The following PTPRN2 variants were observed in gnomAD, a reference collection of about 807,000 sequenced individuals.
The protein encoded by PTPRN2 is receptor-type tyrosine-protein phosphatase N2.
Under a neutral mutation model 118.8 loss-of-function variants are expected in PTPRN2, and 74 were observed. That is an observed-to-expected ratio of 0.62 (90% CI 0.52 to 0.76). The LOEUF is 0.76. PTPRN2 is among the 30% of genes least tolerant of loss of function. The pLI is 0.00. For synonymous variants in PTPRN2, 641 were observed against 608.0 expected, an observed-to-expected ratio of 1.05 and a Z score of -0.80; for missense variants, 1,481 against 1,394.4, an observed-to-expected ratio of 1.06 and a Z score of -0.99.
chr7:158,337,567 T>C lies in PTPRN2; in HGVS notation c.164-20635A>G, dbSNP rs543303212. Among the ~76,000 whole-genome samples the C allele has an allele frequency of 3.6e-5, 5 of 139,840 alleles. No homozygotes were observed. The South Asian group carries it at 1.1e-3, about 32-fold the overall frequency. 91.7% of individuals were successfully genotyped at this position (139,840 alleles called of 152,430 possible). ...GTCATTCACACCCACACTCTCACCATAATTGGTGACACCTGCAGACGTCAC... is the reference window on the plus strand; with the variant it reads ...GTCATTCACACCCACACTCTCACCACAATTGGTGACACCTGCAGACGTCAC... On this transcript the variant is annotated intron_variant, in intron 2 of 22. Transcript: ENST00000389418.
rs547229537 is a variant in PTPRN2, at chr7:158,583,909, T to C, written c.112+3649A>G. ...GGCTCTGGACCCCAAGAAGTAAAGATAGATTTGTGCTTTTGTGGCAGTAAG... is the reference window on the plus strand; with the variant it reads ...GGCTCTGGACCCCAAGAAGTAAAGACAGATTTGTGCTTTTGTGGCAGTAAG... On this transcript the variant is annotated intron_variant, in intron 1 of 22. Transcript: ENST00000389418. Among the ~76,000 whole-genome samples the C allele has an allele frequency of 1.4e-3, 210 of 152,298 alleles. 1 individual carries two copies. Among genetic ancestry groups the C allele is most frequent in the South Asian group, 7.7e-3 (37 of 4,820 alleles).
intron 2 of PTPRN2, among the ~76,000 whole-genome samples, chr7:158,392,720 C>CA (rs1418234777): frequency 6.6e-6 from 1 of 152,180 alleles, no homozygotes; most frequent in African/African-American, 2.4e-5. Context: ...AGCCAAGGGG[C>CA]AGGGTCCTTG....
At position 158,486,601 on chromosome 7, in the gene PTPRN2, T is replaced by G. The variant is rs142317253; in HGVS notation, c.163+3134A>C. On this transcript the variant is annotated intron_variant, in intron 2 of 22. Coordinates refer to ENST00000389418, the MANE Select transcript of PTPRN2 (RefSeq NM_002847.5). ...TTTTTTCTATAATAACCAAAGTTAC[T>G]CCAGAGTTATGAATTACCAAGGAAT... Among the ~76,000 whole-genome samples, 13 of 152,324 alleles carry G rather than the reference T, an allele frequency of 8.5e-5. No homozygotes were observed. The East Asian group carries it at 2.5e-3, about 29-fold the overall frequency.
intron 2 of PTPRN2, among the ~76,000 whole-genome samples, chr7:158,346,210 A>G (rs896559823): frequency 3.9e-5 from 6 of 152,224 alleles, no homozygotes; most frequent in Non-Finnish European, 7.3e-5. Context: ...ATAACCGTCT[A>G]CTGTTATCTT....
intron 11 of PTPRN2, among the ~76,000 whole-genome samples, chr7:157,911,899 G>A (rs1798127411): frequency 6.6e-6 from 1 of 152,114 alleles, no homozygotes. Context: ...ATTCGGTTTT[G>A]CATGTCATGG....
Position 158,342,478 on chromosome 7 carries a change from ACC to A in PTPRN2, c.164-25548_164-25547del, listed in dbSNP as rs1807088874. Among the ~76,000 whole-genome samples the A allele has an allele frequency of 1.5e-4, 9 of 58,428 alleles. 1 individual carries two copies. The highest frequency in any genetic ancestry group is 4.4e-4 in the Admixed American group (3 of 6,758). The allele number at this position is 58,428 out of a possible 152,430, so 38.3% of individuals were successfully genotyped here. On this transcript the variant is annotated intron_variant, in intron 2 of 22. Transcript: ENST00000389418. ...CCACACTCTCACCATAAGAGCTGACACCTGCAGACGTCACTCAAACCCACACT... is the reference window on the plus strand; with the variant it reads ...CCACACTCTCACCATAAGAGCTGACATGCAGACGTCACTCAAACCCACACT...
intron 11 of PTPRN2, among the ~76,000 whole-genome samples, chr7:157,900,104 G>A (rs893448021): frequency 2.6e-5 from 4 of 152,208 alleles, no homozygotes; most frequent in Admixed American, 1.3e-4. Context: ...GGTCACCGAC[G>A]TCAGGGTCAG....
At chr7:158,284,657 C>T (rs1256962717) in intron 3 of PTPRN2, among the ~76,000 whole-genome samples, 1 of 152,144 alleles carries the variant, frequency 6.6e-6, no homozygotes, top group Non-Finnish European at 1.5e-5. Context: ...CGTACGGACT[C>T]CGCTTATTCC....
intron 11 of PTPRN2, among the ~76,000 whole-genome samples, chr7:158,014,803 A>C (rs1221576540): frequency 6.7e-6 from 1 of 149,362 alleles, no homozygotes; most frequent in Non-Finnish European, 1.5e-5. Flanking sequence ...TCATCCATCC[A>C]CCCGTCCATA....
At chr7:157,714,513 T>G (rs1798806059) in intron 12 of PTPRN2, among the ~76,000 whole-genome samples, 1 of 152,178 alleles carries the variant, frequency 6.6e-6, no homozygotes. Flanking sequence ...TGTAGAAAAA[T>G]CTATGAGTTT....
chr7:157,934,522 G>T (rs1190606624), intron 11 of PTPRN2, among the ~76,000 whole-genome samples: 1 of 152,162 alleles, frequency 6.6e-6, no homozygotes, highest in African/African-American at 2.4e-5. Flanking sequence ...GAAGCCTCTG[G>T]CTTGTAGAAT....
intron 1 of PTPRN2, among the ~76,000 whole-genome samples, chr7:158,516,541 C>T (rs1236041565): frequency 6.6e-6 from 1 of 151,892 alleles, no homozygotes; most frequent in Non-Finnish European, 1.5e-5. Context: ...GTTCTTGGTG[C>T]TTCTGCCTAT....
At chr7:157,872,099 C>T (rs1239046771) in intron 12 of PTPRN2, among the ~76,000 whole-genome samples, 1 of 135,338 alleles carries the variant, frequency 7.4e-6, no homozygotes, top group African/African-American at 2.9e-5. Context: ...TCTCCACACA[C>T]ACATACCCAG....
chr7:158,435,608 G>T (rs966371238), intron 2 of PTPRN2, among the ~76,000 whole-genome samples: 11 of 152,190 alleles, frequency 7.2e-5, no homozygotes, highest in African/African-American at 2.7e-4. Flanking sequence ...GATCTCCAAA[G>T]AGATACTTGC....
chr7:158,289,719 T>C (rs1317703032), intron 3 of PTPRN2, among the ~76,000 whole-genome samples: 1 of 152,154 alleles, frequency 6.6e-6, no homozygotes, highest in Admixed American at 6.6e-5. Flanking sequence ...GTCTCCTTGG[T>C]TTTTCATGTT....
chr7:157,665,871 A>G (rs1232745565), intron 13 of PTPRN2, among the ~76,000 whole-genome samples: 1 of 152,228 alleles, frequency 6.6e-6, no homozygotes, highest in Non-Finnish European at 1.5e-5. Flanking sequence ...ATTCTCAGCA[A>G]AATATCACAA....
intron 11 of PTPRN2, among the ~76,000 whole-genome samples, chr7:158,036,707 A>G (rs2128886300): frequency 6.6e-6 from 1 of 152,352 alleles, no homozygotes; most frequent in East Asian, 1.9e-4. Context: ...GATTTGGTCC[A>G]TTCAAAATTT....
At chr7:158,131,015 T>C (rs1394311109) in intron 9 of PTPRN2, among the ~76,000 whole-genome samples, 1 of 148,248 alleles carries the variant, frequency 6.7e-6, no homozygotes, top group African/African-American at 2.5e-5. Context: ...CTACCTGACA[T>C]ACTCATATAC....
rs1382284391 is a variant in PTPRN2, at chr7:157,801,349, GCTTTGC to G, written c.1788+97318_1788+97323del. On this transcript the variant is annotated intron_variant, in intron 12 of 22. Coordinates refer to ENST00000389418, the MANE Select transcript of PTPRN2 (RefSeq NM_002847.5). This position sits in a 1 kb window ranked among gnomAD's most constrained non-coding sequence, Gnocchi z 4.2. Reference sequence around the variant, plus strand: ...TGAACGGCCTCATCCACGGAGCACTGCTTTGCCGTCTCCAGAAAGAGCTGTCGAGGT... The same window carrying G: ...TGAACGGCCTCATCCACGGAGCACTGCGTCTCCAGAAAGAGCTGTCGAGGT... Among the ~76,000 whole-genome samples, 1 of 152,192 alleles carries G rather than the reference GCTTTGC, an allele frequency of 6.6e-6. No homozygotes were observed. The highest frequency in any genetic ancestry group is 2.4e-5 in the African/African-American group (1 of 41,448).
Sources: gnomAD v4.1 joint callset for allele counts (sites outside exome capture counted in the v4.1 genomes callset) on GRCh38, gnomAD v4.1.1 for gene constraint, Gnocchi (gnomAD v3.1) non-coding constraint, MANE v1.5 for transcripts, NCBI Gene and HGNC (gene_info 2026-07-23, HGNC 2026-07-21) for gene names.